MCPH1: variants seen among roughly 807,000 people sequenced by gnomAD.
The protein encoded by MCPH1 is microcephalin.
A neutral mutation model predicts 84.5 loss-of-function variants in MCPH1; 104 were observed. That is an observed-to-expected ratio of 1.23 (90% CI 1.05 to 1.45). MCPH1 has a LOEUF of 1.45. Ranked by LOEUF, MCPH1 falls within the 40% of genes most tolerant of loss-of-function variation. The pLI is 0.00. For missense variants in MCPH1, 1,498 were observed against 1,005.7 expected (o/e 1.49, Z -6.62); for synonymous variants, 514 against 366.8 (o/e 1.40, Z -4.58).
At chr8:6,530,486 G>A (rs182461795) in intron 12 of MCPH1, among the ~76,000 whole-genome samples, 2 of 143,664 alleles carry the variant, frequency 1.4e-5, no homozygotes, top group East Asian at 2.0e-4. Flanking sequence ...TCCAACCTGG[G>A]CAATGCAGTG....
At chr8:6,518,938 A>G (rs944260780) in intron 12 of MCPH1, among the ~76,000 whole-genome samples, 13 of 151,820 alleles carry the variant, frequency 8.6e-5, no homozygotes, top group African/African-American at 3.1e-4. Flanking sequence ...TCTAAAGTTC[A>G]GTGTCTCCCA....
intron 9 of MCPH1, among the ~76,000 whole-genome samples, chr8:6,463,697 G>C (rs1016158867): frequency 2.0e-5 from 3 of 152,184 alleles, no homozygotes; most frequent in Admixed American, 6.5e-5. Flanking sequence ...ATGCCTTCCT[G>C]AGCAGAGAAA....
chr8:6,582,849 A>T (rs971829870), intron 12 of MCPH1, among the ~76,000 whole-genome samples: 15 of 152,060 alleles, frequency 9.9e-5, no homozygotes, highest in Admixed American at 8.5e-4. Context: ...TTTCTTCATA[A>T]AGTCTTTCAG....
chr8:6,522,385 A>C (rs1440145098), intron 12 of MCPH1, among the ~76,000 whole-genome samples: 1 of 151,614 alleles, frequency 6.6e-6, no homozygotes, highest in Non-Finnish European at 1.5e-5. Flanking sequence ...GTAAACGCTT[A>C]GACTAGCGCC....
At chr8:6,546,094 A>C (rs1822533532) in intron 12 of MCPH1, among the ~76,000 whole-genome samples, 1 of 152,238 alleles carries the variant, frequency 6.6e-6, no homozygotes, top group African/African-American at 2.4e-5. Context: ...ATACTTTCTA[A>C]CATCACATTT....
intron 12 of MCPH1, chr8:6,532,265 T>G: frequency 6.3e-7 from 1 of 1,586,670 alleles, no homozygotes; most frequent in Non-Finnish European, 8.6e-7. Context: ...TTGAGGAAGC[T>G]CCTGACGCGA....
intron 12 of MCPH1, chr8:6,521,549 A>C: frequency 1.5e-6 from 1 of 659,154 alleles, no homozygotes; most frequent in South Asian, 2.2e-5. Flanking sequence ...CAGAGCCCTA[A>C]GGAATCTCTG....
chr8:6,525,035 T>C (rs1407745992), intron 12 of MCPH1, among the ~76,000 whole-genome samples: 1 of 152,268 alleles, frequency 6.6e-6, no homozygotes, highest in Non-Finnish European at 1.5e-5. Flanking sequence ...GCATTCGATT[T>C]CATGGCCTCT....
intron 5 of MCPH1, 74 bp downstream of exon 5, chr8:6,436,236 G>A: frequency 6.7e-7 from 1 of 1,481,962 alleles, no homozygotes; most frequent in South Asian, 1.2e-5. Context: ...GATGACTAGT[G>A]GGGTTCAGCA....
chr8:6,448,786 A>G (rs1232039665), intron 8 of MCPH1, among the ~76,000 whole-genome samples: 2 of 152,194 alleles, frequency 1.3e-5, no homozygotes, highest in Admixed American at 6.5e-5. Context: ...AATAGAGCCT[A>G]TAGGTAGGGT....
chr8:6,431,334 A>G (rs998661177), intron 3 of MCPH1, among the ~76,000 whole-genome samples, 165 bp from the exon 4 acceptor site: 1 of 152,172 alleles, frequency 6.6e-6, no homozygotes, highest in Non-Finnish European at 1.5e-5. Flanking sequence ...GGGAAGTTTG[A>G]TTTATACTGA....
chr8:6,605,250 A>G (rs1829666392), intron 12 of MCPH1, among the ~76,000 whole-genome samples: 1 of 152,088 alleles, frequency 6.6e-6, no homozygotes. Context: ...TCCAGCTAGA[A>G]TCTGTCCTTC....
At chr8:6,491,441 G>C (rs1368001388) in intron 11 of MCPH1, among the ~76,000 whole-genome samples, 4 of 146,826 alleles carry the variant, frequency 2.7e-5, no homozygotes, top group Non-Finnish European at 6.0e-5. Flanking sequence ...AGCTTTAAAA[G>C]CATTGCTCAG....
At chr8:6,428,029 G>A (rs552721322) in intron 3 of MCPH1, among the ~76,000 whole-genome samples, 20 of 151,900 alleles carry the variant, frequency 1.3e-4, no homozygotes, top group African/African-American at 3.9e-4. Flanking sequence ...CTGACCTCCC[G>A]CCTCAACCTC....
chr8:6,556,772 G>C (rs1208743830), intron 12 of MCPH1, among the ~76,000 whole-genome samples: 1 of 151,976 alleles, frequency 6.6e-6, no homozygotes, highest in African/African-American at 2.4e-5. Context: ...TGCCATTGTA[G>C]AGATGGGGGT....
chr8:6,537,467 G>C (rs1184964080), intron 12 of MCPH1, among the ~76,000 whole-genome samples: 1 of 151,874 alleles, frequency 6.6e-6, no homozygotes, highest in Non-Finnish European at 1.5e-5. Flanking sequence ...TGCTAAAAGA[G>C]TTGCGCCCCA....
chr8:6,590,248 T>A (rs887499832), intron 12 of MCPH1, among the ~76,000 whole-genome samples: 5 of 150,630 alleles, frequency 3.3e-5, no homozygotes, highest in Non-Finnish European at 5.9e-5. Flanking sequence ...TCATTACACA[T>A]AGAAATAAAA....
At chr8:6,431,733 T>C in intron 4 of MCPH1, 147 bp downstream of exon 4, 1 of 609,400 alleles carries the variant, frequency 1.6e-6, no homozygotes, top group Non-Finnish European at 2.9e-6. Context: ...ACATAGCATT[T>C]TTAAGTGAAT....
At chr8:6,532,482 C>G (rs1430809944) in intron 12 of MCPH1, 1 of 1,610,450 alleles carries the variant, frequency 6.2e-7, no homozygotes, top group Admixed American at 1.7e-5. Context: ...GGATATAATT[C>G]TCAAGCTAGA....
Sources: gnomAD v4.1 joint callset for allele counts (sites outside exome capture counted in the v4.1 genomes callset) on GRCh38, gnomAD v4.1.1 for gene constraint, MANE v1.5 for transcripts, NCBI Gene and HGNC (gene_info 2026-07-23, HGNC 2026-07-21) for gene names.